GPM6A: variants seen among roughly 807,000 people sequenced by gnomAD.
GPM6A encodes glycoprotein M6A.
GPM6A carries 7 observed loss-of-function variants against 32.1 expected under a neutral mutation model. The ratio of observed to expected loss-of-function variants is 0.22; its 90% CI spans 0.12 to 0.41. GPM6A has a LOEUF of 0.41. Among genes scored for constraint, GPM6A ranks in the 10% least tolerant of loss-of-function variants. The pLI is 1.00. For synonymous variants in GPM6A, 130 were observed against 123.4 expected (o/e 1.05, Z -0.35); for missense variants, 235 against 347.2 (o/e 0.68, Z 2.57).
intron 1 of GPM6A, among the ~76,000 whole-genome samples, chr4:175,790,068 T>C (rs1169467588): frequency 6.6e-6 from 1 of 152,232 alleles, no homozygotes; most frequent in Non-Finnish European, 1.5e-5. Flanking sequence ...AGTGAATTTT[T>C]AAATATCTAG....
chr4:175,720,302 A>G (rs77545468), intron 1 of GPM6A, among the ~76,000 whole-genome samples: 6,815 of 152,172 alleles, frequency 0.045, 194 homozygotes, highest in Non-Finnish European at 0.065. Flanking sequence ...ACTTCACATA[A>G]ATCTTTTTAT....
chr4:175,756,253 C>T (rs1017531353), intron 1 of GPM6A, among the ~76,000 whole-genome samples: 1 of 151,976 alleles, frequency 6.6e-6, no homozygotes, highest in Non-Finnish European at 1.5e-5. Flanking sequence ...TATGCTCACA[C>T]TTGCATTTTG....
At chr4:175,839,886 C>T (rs17609226) in intron 1 of GPM6A, among the ~76,000 whole-genome samples, 8,275 of 152,136 alleles carry the variant, frequency 0.054, 324 homozygotes, top group Non-Finnish European at 0.087. Flanking sequence ...TATTACTCTA[C>T]CATGACATCT....
At chr4:175,699,983 C>T (rs1362074952) in intron 2 of GPM6A, among the ~76,000 whole-genome samples, 1 of 152,096 alleles carries the variant, frequency 6.6e-6, no homozygotes, top group Non-Finnish European at 1.5e-5. Context: ...ATACCTCAGT[C>T]TCCCTAGTAG....
rs146346098 is a variant in GPM6A, at chr4:175,968,396, T to C, written c.-23+33913A>G. On this transcript the variant is annotated intron_variant, in intron 1 of 7. Transcript: ENST00000280187. ...GAATTTTTAGACAGATTACCAAACATATGACTCATGAAAGAAAATATTGAT... is the reference window on the plus strand; with the variant it reads ...GAATTTTTAGACAGATTACCAAACACATGACTCATGAAAGAAAATATTGAT... Among the ~76,000 whole-genome samples the C allele has an allele frequency of 9.3e-3, 1,418 of 152,214 alleles. 16 individuals are homozygous for C. The highest frequency in any genetic ancestry group is 0.032 in the African/African-American group (1,338 of 41,534).
chr4:175,795,284 A>G (rs1734173502), intron 1 of GPM6A, among the ~76,000 whole-genome samples: 1 of 152,188 alleles, frequency 6.6e-6, no homozygotes, highest in South Asian at 2.1e-4. Flanking sequence ...TGAGGTACCT[A>G]TGGCTATCTG....
At chr4:175,705,998 C>T (rs1354957872) in intron 1 of GPM6A, among the ~76,000 whole-genome samples, 2 of 152,100 alleles carry the variant, frequency 1.3e-5, no homozygotes, top group Non-Finnish European at 1.5e-5. Flanking sequence ...AGGTATTTCT[C>T]ACATCCATTT....
intron 1 of GPM6A, among the ~76,000 whole-genome samples, chr4:175,901,030 C>A (rs1737947941): frequency 6.6e-6 from 1 of 151,914 alleles, no homozygotes; most frequent in Non-Finnish European, 1.5e-5. Flanking sequence ...CACAGAAATA[C>A]AAATATCATA....
At chr4:175,828,821 C>A (rs1735516487) in intron 1 of GPM6A, among the ~76,000 whole-genome samples, 1 of 151,832 alleles carries the variant, frequency 6.6e-6, no homozygotes. Context: ...TAAACTTTAT[C>A]TTTTAATGAT....
chr4:175,634,805 TG>T lies in GPM6A; in HGVS notation c.*99del, dbSNP rs1740484282. 1 of 864,764 alleles carries T rather than the reference TG, an allele frequency of 1.2e-6. No individual in the cohort carries two copies. Among genetic ancestry groups the T allele is most frequent in the Non-Finnish European group, 1.9e-6 (1 of 538,670 alleles). 53.6% of individuals were successfully genotyped at this position (864,764 alleles called of 1,614,324 possible). A position where few individuals can be genotyped will look rare whatever the true frequency, so the allele number is the denominator to read the frequency against. On this transcript the variant is annotated 3_prime_UTR_variant, in exon 7 of 7. Coordinates refer to ENST00000393658, the MANE Select transcript of GPM6A (RefSeq NM_201591.3). ...CATAAGTCACCTTACATATCATTGA[TG>T]AGAAGCACTTTCGTTTTGTTTTTTA...
intron 1 of GPM6A, among the ~76,000 whole-genome samples, chr4:175,886,394 C>A (rs1579597943): frequency 1.3e-5 from 2 of 152,062 alleles, no homozygotes; most frequent in Middle Eastern, 3.2e-3. Context: ...CAAGCTAGAA[C>A]CTTAAAGCAG....
intron 6 of GPM6A, among the ~76,000 whole-genome samples, chr4:175,637,589 T>A (rs1376486775): frequency 5.6e-4 from 62 of 110,288 alleles, no homozygotes; most frequent in African/African-American, 2.2e-3. Context: ...TAAAATATAT[T>A]ATATATTATG....
At chr4:175,794,369 A>G (rs949149464) in intron 1 of GPM6A, among the ~76,000 whole-genome samples, 3 of 152,194 alleles carry the variant, frequency 2.0e-5, no homozygotes, top group African/African-American at 7.2e-5. Context: ...CCATAATCAA[A>G]TGTTTACTTG....
chr4:175,634,783 A>G lies in GPM6A; in HGVS notation c.*122T>C. The G allele has an allele frequency of 1.5e-6, 1 of 685,350 alleles. No homozygotes were observed. Among genetic ancestry groups the G allele is most frequent in the Non-Finnish European group, 2.5e-6 (1 of 401,612 alleles). 42.5% of individuals were successfully genotyped at this position (685,350 alleles called of 1,614,324 possible). The stretch of plus-strand genomic sequence containing the variant: ...AAAGAATTGTACTCAGGTGATTCAT[A>G]AGTCACCTTACATATCATTGATGAG... On this transcript the variant is annotated 3_prime_UTR_variant, in exon 7 of 7. Transcript: ENST00000393658.
chr4:175,985,815 T>A (rs1740956230), intron 1 of GPM6A, among the ~76,000 whole-genome samples: 1 of 152,184 alleles, frequency 6.6e-6, no homozygotes, highest in Non-Finnish European at 1.5e-5. Context: ...ATTTATAATT[T>A]TTTTTTCTGA....
At chr4:175,766,072 C>A (rs1355024659) in intron 1 of GPM6A, among the ~76,000 whole-genome samples, 1 of 152,126 alleles carries the variant, frequency 6.6e-6, no homozygotes, top group African/African-American at 2.4e-5. Context: ...ATTGTTTGGG[C>A]CTGCTTATTA....
intron 1 of GPM6A, among the ~76,000 whole-genome samples, chr4:175,846,034 T>C (rs1185612766): frequency 6.6e-6 from 1 of 152,096 alleles, no homozygotes; most frequent in Non-Finnish European, 1.5e-5. Context: ...CAAATATTAG[T>C]CACCCTCAAG....
chr4:175,743,365 T>C lies in GPM6A; in HGVS notation c.38-41598A>G, dbSNP rs147405654. Among the ~76,000 whole-genome samples the C allele has an allele frequency of 9.5e-3, 1,446 of 152,118 alleles. 16 individuals are homozygous for C. Among genetic ancestry groups the C allele is most frequent in the Non-Finnish European group, 0.015 (1,046 of 67,980 alleles). On this transcript the variant is annotated intron_variant, in intron 1 of 6. Coordinates refer to ENST00000393658, the MANE Select transcript of GPM6A (RefSeq NM_201591.3). ...AATAACTTAAAAATTCATTTTGTGATCTCTTGGGGAACCACTAAGAACATT... is the reference window on the plus strand; with the variant it reads ...AATAACTTAAAAATTCATTTTGTGACCTCTTGGGGAACCACTAAGAACATT...
chr4:175,885,518 T>C (rs1302364335), intron 1 of GPM6A, among the ~76,000 whole-genome samples: 2 of 152,060 alleles, frequency 1.3e-5, no homozygotes, highest in African/African-American at 4.8e-5. Flanking sequence ...GTAGTCTCAG[T>C]TACTTGGGAG....
Sources: gnomAD v4.1 joint callset for allele counts (sites outside exome capture counted in the v4.1 genomes callset) on GRCh38, gnomAD v4.1.1 for gene constraint, MANE v1.5 for transcripts, NCBI Gene and HGNC (gene_info 2026-07-23, HGNC 2026-07-21) for gene names.